ZNF251: variants seen among roughly 807,000 people sequenced by gnomAD.
The protein encoded by ZNF251 is zinc finger protein 251.
In ZNF251, 14 loss-of-function variants were observed where a neutral mutation model predicts 13.5. The observed-to-expected ratio is 1.04, with a 90% CI of 0.69 to 1.63. The LOEUF is 1.63. Among genes scored for constraint, ZNF251 ranks in the 40% most tolerant of loss-of-function variants. The probability of loss-of-function intolerance (pLI) is 0.00; values close to 1 mark genes in which losing one functional copy is unlikely to be tolerated. For synonymous variants in ZNF251, 287 were observed against 295.2 expected (o/e 0.97, Z 0.28); for missense variants, 764 against 834.9 (o/e 0.92, Z 1.05).
In ZNF251 at chr8:144,723,318, T is replaced by G; in HGVS notation, c.342A>C (p.Lys114Asn). 2 of 1,551,510 alleles carry G rather than the reference T, an allele frequency of 1.3e-6. No homozygotes were observed. Among genetic ancestry groups the G allele is most frequent in the Non-Finnish European group, 1.7e-6 (2 of 1,151,536 alleles). ...ILNQKFSEEV[K>N]TPEFVSRRLL... is the part of the protein sequence containing the mutation. Reference sequence around the variant, plus strand: ...GTCTTCTTGATACAAATTCTGGGGTTTTTACTTCTTCGGAAAATTTTTGGT... The same window carrying G: ...GTCTTCTTGATACAAATTCTGGGGTGTTTACTTCTTCGGAAAATTTTTGGT... The change falls in exon 5 of 5, where the codon AAA becomes AAC. Residue 114 changes from lysine to asparagine, a missense_variant. Transcript: ENST00000292562.
chr8:144,736,687 T>G lies in ZNF251; in HGVS notation c.278-13305A>C, dbSNP rs554490401. Among the ~76,000 whole-genome samples the G allele has an allele frequency of 6.2e-4, 94 of 151,922 alleles. 1 individual carries two copies. In the South Asian group the frequency reaches 0.019, roughly 31 times the overall value. The stretch of plus-strand genomic sequence containing the variant: ...TTATATTTTTAGTAGAGTTGGGGTT[T>G]CTCCAAGTTGGTCAGGCTGGTCTTG... On this transcript the variant is annotated intron_variant, in intron 4 of 4. Coordinates refer to ENST00000292562, the MANE Select transcript of ZNF251 (RefSeq NM_138367.2).
intron 2 of ZNF251, 110 bp downstream of exon 2, chr8:144,754,586 G>A: frequency 1.4e-6 from 2 of 1,475,936 alleles, no homozygotes; most frequent in Non-Finnish European, 1.8e-6. Flanking sequence ...GTTGCTATGA[G>A]CCCCTGGCTG....
chr8:144,751,238 A>G (rs1344716999), intron 4 of ZNF251, among the ~76,000 whole-genome samples: 15 of 152,194 alleles, frequency 9.9e-5, no homozygotes, highest in Non-Finnish European at 1.5e-5. Flanking sequence ...CAGTTTGTTC[A>G]GCTTTTTACT....
At chr8:144,733,260 G>T (rs190957194) in intron 4 of ZNF251, among the ~76,000 whole-genome samples, 1 of 152,188 alleles carries the variant, frequency 6.6e-6, no homozygotes, top group Non-Finnish European at 1.5e-5. Context: ...TATTACTTAA[G>T]TTGGGTGTGG....
intron 4 of ZNF251, among the ~76,000 whole-genome samples, chr8:144,746,444 G>A (rs1443927042): frequency 6.6e-6 from 1 of 152,220 alleles, no homozygotes; most frequent in Non-Finnish European, 1.5e-5. Flanking sequence ...TCTGTCTGTA[G>A]TTTCCTTTTC....
chr8:144,728,645 A>G (rs541052994), intron 4 of ZNF251, among the ~76,000 whole-genome samples: 10 of 140,424 alleles, frequency 7.1e-5, no homozygotes, highest in Admixed American at 3.5e-4. Flanking sequence ...TCTGGGCGAC[A>G]GAGCAAGGCT....
intron 4 of ZNF251, among the ~76,000 whole-genome samples, chr8:144,737,495 C>T (rs1046327331): frequency 2.7e-5 from 4 of 150,396 alleles, no homozygotes; most frequent in African/African-American, 7.4e-5. Context: ...GGTGACAGAG[C>T]GAGATTCCGT....
chr8:144,746,650 T>G (rs1336146423), intron 4 of ZNF251, among the ~76,000 whole-genome samples: 1 of 152,212 alleles, frequency 6.6e-6, no homozygotes, highest in African/African-American at 2.4e-5. Flanking sequence ...AATTGTTGAT[T>G]TGACTTATTT....
In ZNF251 at chr8:144,721,642, C is replaced by T; in HGVS notation, c.*2G>A. ...GCTAAACTGTCTTCTGCATTTATCA[C>T]ATTAAAAATGTCTTTCTTGGAAAAT... On this transcript the variant is annotated 3_prime_UTR_variant, in exon 5 of 5. Coordinates refer to ENST00000292562, the MANE Select transcript of ZNF251 (RefSeq NM_138367.2). 7.5e-7 allele frequency: 1 copy of T among 1,340,914 alleles called. No homozygotes were observed. The highest frequency in any genetic ancestry group is 2.8e-5 in the Admixed American group (1 of 36,076). 83.1% of individuals were successfully genotyped at this position (1,340,914 alleles called of 1,614,324 possible).
intron 4 of ZNF251, among the ~76,000 whole-genome samples, chr8:144,731,791 C>T (rs1462426158): frequency 3.3e-5 from 5 of 151,912 alleles, no homozygotes; most frequent in Non-Finnish European, 5.9e-5. Context: ...TTTCACCATG[C>T]TGGCCAGGCA....
Position 144,755,494 on chromosome 8 carries a change from G to C in ZNF251, c.-165C>G. 1.6e-6 allele frequency: 2 copies of C among 1,286,924 alleles called. No individual in the cohort carries two copies. Among genetic ancestry groups the C allele is most frequent in the African/African-American group, 1.5e-5 (1 of 65,780 alleles). The allele number at this position is 1,286,924 out of a possible 1,614,324, so 79.7% of individuals were successfully genotyped here. ...CGGAACGGACCCTCCCACAGAACCG[G>C]GTCCAGAGCCGGGGAGGGGGCGGGC... On this transcript the variant is annotated 5_prime_UTR_variant, in exon 1 of 5. Coordinates refer to ENST00000292562, the MANE Select transcript of ZNF251 (RefSeq NM_138367.2).
chr8:144,733,619 C>T (rs1823788186), intron 4 of ZNF251, among the ~76,000 whole-genome samples: 1 of 152,170 alleles, frequency 6.6e-6, no homozygotes, highest in Non-Finnish European at 1.5e-5. Context: ...GCTTCAAACC[C>T]TTGCACCCCT....
intron 1 of ZNF251, chr8:144,755,037 GT>G: frequency 7.3e-7 from 1 of 1,361,232 alleles, no homozygotes; most frequent in East Asian, 2.9e-5. Context: ...GGCAGTTCCC[GT>G]GGTCCAGACC....
rs567777974 is a variant in ZNF251 at position 144,736,125 on chromosome 8, C to CA, written c.278-12744dup. Among the ~76,000 whole-genome samples the CA allele has an allele frequency of 5.9e-5, 9 of 152,314 alleles. No homozygotes were observed. The East Asian group carries it at 9.6e-4, about 16-fold the overall frequency. ...AACCAGAAAACAAGCTGGTGGCCGT[C>CA]AAACACCTGGGCTCACGCAGCCGCA... On this transcript the variant is annotated intron_variant, in intron 4 of 4. Transcript: ENST00000292562.
In ZNF251 at chr8:144,722,023, G is replaced by A. The variant is rs1823384630; in HGVS notation, c.1637C>T (p.Ala546Val). The part of the protein sequence containing the change: ...QIPTGEKHGR[A>V]FNHGANLILR... ...AATGAGATTTGCACCATGGTTAAAG[G>A]CTCTGCCGTGCTTCTCTCCAGTGGG... The change falls in exon 5 of 5, where the codon GCC (alanine) becomes GTC (valine). Residue 546 changes from alanine (A) to valine (V), a missense_variant. Transcript: ENST00000292562. The surrounding 1 kb of genome is among the most constrained non-coding windows in gnomAD (Gnocchi z 4.8). The A allele has an allele frequency of 5.0e-6, 8 of 1,607,464 alleles. No individual in the cohort carries two copies. The highest frequency in any genetic ancestry group is 6.8e-6 in the Non-Finnish European group (8 of 1,176,524).
intron 4 of ZNF251, among the ~76,000 whole-genome samples, chr8:144,723,972 G>A (rs1009330991): frequency 2.6e-5 from 4 of 152,110 alleles, no homozygotes; most frequent in African/African-American, 4.8e-5. Context: ...GGCCAGGCGC[G>A]GTGGCTCACG....
intron 4 of ZNF251, among the ~76,000 whole-genome samples, chr8:144,733,574 T>C (rs1823786311): frequency 6.6e-6 from 1 of 152,172 alleles, no homozygotes; most frequent in African/African-American, 2.4e-5. Context: ...AAACCTGGAC[T>C]GATAATGGAG....
intron 4 of ZNF251, among the ~76,000 whole-genome samples, chr8:144,751,956 G>T (rs908431234): frequency 6.6e-6 from 1 of 151,952 alleles, no homozygotes; most frequent in African/African-American, 2.4e-5. Flanking sequence ...TATTACCAGA[G>T]ACAAACAGGA....
chr8:144,736,688 C>T (rs912997172), intron 4 of ZNF251, among the ~76,000 whole-genome samples: 1 of 151,796 alleles, frequency 6.6e-6, no homozygotes, highest in South Asian at 2.1e-4. Context: ...GTTGGGGTTT[C>T]TCCAAGTTGG....
Sources: allele counts gnomAD v4.1 joint callset (sites outside exome capture counted in the v4.1 genomes callset), GRCh38; gene constraint gnomAD v4.1.1; non-coding constraint Gnocchi (gnomAD v3.1); transcripts MANE v1.5; gene names NCBI Gene and HGNC (gene_info 2026-07-23, HGNC 2026-07-21).